Variants in MTFR1 observed in about 807,000 individuals in gnomAD.
MTFR1 encodes the protein mitochondrial fission regulator 1, also known as chondrocyte protein with a poly-proline region.
Under a neutral mutation model 38.8 loss-of-function variants are expected in MTFR1, and 28 were observed. The observed-to-expected ratio is 0.72, with a 90% CI of 0.53 to 0.99. The LOEUF (loss-of-function observed/expected upper bound fraction) is 0.99. Ranked by LOEUF, MTFR1 falls within the 50% of genes least tolerant of loss-of-function variation. The pLI is 0.00. For missense variants in MTFR1, 358 were observed against 395.5 expected (o/e 0.91, Z 0.81); for synonymous variants, 145 against 137.0 (o/e 1.06, Z -0.41).
At chr8:65,652,035 G>T (rs1432212150) in intron 1 of MTFR1, among the ~76,000 whole-genome samples, 2 of 151,462 alleles carry the variant, frequency 1.3e-5, no homozygotes, top group East Asian at 3.9e-4. Flanking sequence ...CACAGCTCAT[G>T]GGCTCAGGAG....
At chr8:65,696,352 T>C (rs1411283411) in intron 4 of MTFR1, among the ~76,000 whole-genome samples, 1 of 152,232 alleles carries the variant, frequency 6.6e-6, no homozygotes, top group Middle Eastern at 3.2e-3. Context: ...TAATTGTAGA[T>C]TCTTCACATG....
intron 1 of MTFR1, among the ~76,000 whole-genome samples, chr8:65,655,986 G>GTATATATATATATATATATA (rs1809259018): frequency 1.9e-5 from 1 of 53,700 alleles, no homozygotes; most frequent in African/African-American, 1.1e-4. Context: ...TATATATATG[G>GTATATATATATATATATATA]TAGTGGGTTG....
intron 3 of MTFR1, chr8:65,735,027 G>A: frequency 1.6e-6 from 1 of 633,278 alleles, no homozygotes; most frequent in Non-Finnish European, 2.9e-6. Flanking sequence ...GATTCGGGCA[G>A]ATGATAATCA....
intron 3 of MTFR1, among the ~76,000 whole-genome samples, chr8:65,756,657 T>C (rs1019882756): frequency 2.0e-5 from 3 of 152,224 alleles, no homozygotes; most frequent in Admixed American, 2.0e-4. Context: ...TATTTGTTTT[T>C]AGTTATTTGT....
downstream of MTFR1, among the ~76,000 whole-genome samples, chr8:65,774,099 CCTCCCAT>C (rs1809188371): frequency 6.6e-6 from 1 of 152,114 alleles, no homozygotes; most frequent in Non-Finnish European, 1.5e-5. Flanking sequence ...GTTTCTTTCC[CCTCCCAT>C]CTCCTCAAGC....
intron 4 of MTFR1, among the ~76,000 whole-genome samples, chr8:65,694,216 A>G (rs1447406944): frequency 1.3e-5 from 2 of 151,804 alleles, no homozygotes; most frequent in Non-Finnish European, 2.9e-5. Flanking sequence ...CTGGGGCTAC[A>G]GGCACGCACC....
intron 1 of MTFR1, among the ~76,000 whole-genome samples, chr8:65,649,307 C>G (rs1251595708): frequency 1.3e-5 from 2 of 152,038 alleles, no homozygotes; most frequent in Non-Finnish European, 2.9e-5. Flanking sequence ...GCTTCAGCCT[C>G]CCGAGTAGCT....
chr8:65,771,738 G>T (rs933356794), downstream of MTFR1, among the ~76,000 whole-genome samples: 1 of 151,960 alleles, frequency 6.6e-6, no homozygotes, highest in African/African-American at 2.4e-5. Flanking sequence ...AGCCAGGCGT[G>T]GTGGTGGGTG....
chr8:65,713,674 T>G (rs1806022912), downstream of MTFR1, among the ~76,000 whole-genome samples: 1 of 152,136 alleles, frequency 6.6e-6, no homozygotes, highest in South Asian at 2.1e-4. Flanking sequence ...GCTAAGTAAC[T>G]TTATCGGTCA....
intron 3 of MTFR1, among the ~76,000 whole-genome samples, chr8:65,740,549 C>T (rs774269738): frequency 1.3e-5 from 2 of 152,034 alleles, no homozygotes; most frequent in Non-Finnish European, 2.9e-5. Context: ...TACAGGCACC[C>T]GCCACCAAGC....
intron 4 of MTFR1, among the ~76,000 whole-genome samples, chr8:65,698,278 A>T (rs1015903050): frequency 6.6e-6 from 1 of 151,230 alleles, no homozygotes; most frequent in Non-Finnish European, 1.5e-5. Flanking sequence ...CCTCCTAAGT[A>T]GCTGGGGTTA....
At chr8:65,684,965 A>G (rs1463912256) in intron 3 of MTFR1, among the ~76,000 whole-genome samples, 2 of 152,028 alleles carry the variant, frequency 1.3e-5, no homozygotes, top group Non-Finnish European at 1.5e-5. Context: ...GATCGTGCCA[A>G]TGCACTCCAG....
intron 1 of MTFR1, among the ~76,000 whole-genome samples, chr8:65,656,475 A>C (rs962265733): frequency 4.6e-5 from 7 of 150,880 alleles, no homozygotes; most frequent in Non-Finnish European, 8.8e-5. Flanking sequence ...GTAGGACTAC[A>C]GGCATGTACC....
At chr8:65,650,196 A>G (rs914855279) in intron 1 of MTFR1, among the ~76,000 whole-genome samples, 91 of 146,944 alleles carry the variant, frequency 6.2e-4, no homozygotes, top group African/African-American at 2.2e-3. Context: ...ACTGCTGGTA[A>G]CCATCCTTAT....
chr8:65,754,624 C>A (rs1033023152), intron 3 of MTFR1, among the ~76,000 whole-genome samples: 1 of 151,150 alleles, frequency 6.6e-6, no homozygotes, highest in East Asian at 2.0e-4. Flanking sequence ...GCTGAGCCAC[C>A]ATGCCCAGCC....
At chr8:65,752,809 C>T (rs1808029685) in intron 3 of MTFR1, among the ~76,000 whole-genome samples, 1 of 152,102 alleles carries the variant, frequency 6.6e-6, no homozygotes, top group African/African-American at 2.4e-5. Flanking sequence ...TATGTGTTTT[C>T]TATCTCACTT....
the MTFR1 span, among the ~76,000 whole-genome samples, chr8:65,778,409 T>C: frequency 6.6e-6 from 1 of 152,084 alleles, no homozygotes; most frequent in East Asian, 1.9e-4. Context: ...GAAGATGACA[T>C]GAGATGGACC....
intron 2 of MTFR1, among the ~76,000 whole-genome samples, chr8:65,675,933 C>G (rs66802499): frequency 0.11 from 16,699 of 152,164 alleles, 1,139 homozygotes; most frequent in Middle Eastern, 0.17. Context: ...TAGTGTGAAG[C>G]TAATGTGATT....
intron 3 of MTFR1, among the ~76,000 whole-genome samples, chr8:65,768,008 G>A (rs942999804): frequency 3.3e-5 from 5 of 152,074 alleles, no homozygotes; most frequent in African/African-American, 1.2e-4. Flanking sequence ...CCCTTAACCT[G>A]TGGGGTCTGA....
Sources: allele counts gnomAD v4.1 joint callset (sites outside exome capture counted in the v4.1 genomes callset), GRCh38; gene constraint gnomAD v4.1.1; transcripts MANE v1.5; gene names NCBI Gene and HGNC (gene_info 2026-07-23, HGNC 2026-07-21).